GDPGP1: variants seen among roughly 807,000 people sequenced by gnomAD.
The protein encoded by GDPGP1 is GDP-D-glucose phosphorylase C15orf58.
Under a neutral mutation model 19.2 loss-of-function variants are expected in GDPGP1, and 18 were observed. The observed-to-expected ratio is 0.94, with a 90% CI of 0.65 to 1.39. The LOEUF (loss-of-function observed/expected upper bound fraction) is 1.39. GDPGP1 is among the 40% of genes most tolerant of loss of function. GDPGP1 has a pLI of 0.00. For missense variants in GDPGP1, 449 were observed against 490.5 expected (o/e 0.92, Z 0.80); for synonymous variants, 219 against 208.9 (o/e 1.05, Z -0.42).
At position 90,243,477 on chromosome 15, in the gene GDPGP1, G is replaced by A. The variant is rs1219818232; in HGVS notation, c.*1411G>A. Reference sequence around the variant, plus strand: ...CCCTCCCACCTCAGCCCCCTGAGTAGCTGGGACGATAGGTGTGCACCATCA... The same window carrying A: ...CCCTCCCACCTCAGCCCCCTGAGTAACTGGGACGATAGGTGTGCACCATCA... On this transcript the variant is annotated 3_prime_UTR_variant, in exon 4 of 4. Transcript: ENST00000329600. 6.6e-6 allele frequency: 1 copy of A among 152,078 alleles called. No homozygotes were observed. The highest frequency in any genetic ancestry group is 1.5e-5 in the Non-Finnish European group (1 of 68,120). The allele number at this position is 152,078 out of a possible 1,614,324, so 9.4% of individuals were successfully genotyped here.
In GDPGP1 at chr15:90,245,570, TTTTTGCAAGC is replaced by T. The variant is rs1962845950; in HGVS notation, c.*3512_*3521del. On this transcript the variant is annotated 3_prime_UTR_variant, in exon 4 of 4. Coordinates refer to ENST00000329600, the MANE Select transcript of GDPGP1 (RefSeq NM_001013657.3). ...AACTGCAGTAATTTTTCCTTAATAC[TTTTTGCAAGC>T]TTTTGCATGCATAAGCTCCAGTATC... The T allele has an allele frequency of 6.6e-6, 1 of 152,156 alleles. No individual in the cohort carries two copies. The highest frequency in any genetic ancestry group is 2.1e-4 in the South Asian group (1 of 4,832). 9.4% of individuals were successfully genotyped at this position (152,156 alleles called of 1,614,324 possible).
chr15:90,235,903 C>T (rs994247370), intron 2 of GDPGP1, among the ~76,000 whole-genome samples: 9 of 151,988 alleles, frequency 5.9e-5, no homozygotes, highest in South Asian at 4.2e-4. Context: ...TCTTTCTGTC[C>T]GAGAAAGAGT....
rs1962813921 is a variant in GDPGP1, at chr15:90,243,690, C to T, written c.*1624C>T. On this transcript the variant is annotated 3_prime_UTR_variant, in exon 4 of 4. Coordinates refer to ENST00000329600, the MANE Select transcript of GDPGP1 (RefSeq NM_001013657.3). ...TTTTTTGACACAGGGTCACTGTCACCCAGGCTGGAGTGCAGTGGTATGAAG... is the reference window on the plus strand; with the variant it reads ...TTTTTTGACACAGGGTCACTGTCACTCAGGCTGGAGTGCAGTGGTATGAAG... The T allele has an allele frequency of 7.2e-6, 1 of 138,526 alleles. No homozygotes were observed. The highest frequency in any genetic ancestry group is 1.5e-5 in the Non-Finnish European group (1 of 65,878). 8.6% of individuals were successfully genotyped at this position (138,526 alleles called of 1,614,324 possible). A position where few individuals can be genotyped will look rare whatever the true frequency, so the allele number is the denominator to read the frequency against.
chr15:90,238,455 A>G (rs1962681066), intron 2 of GDPGP1, 37 bp from the exon 3 acceptor site: 1 of 152,214 alleles, frequency 6.6e-6, no homozygotes, highest in African/African-American at 2.4e-5. Flanking sequence ...GTAATTTTTT[A>G]TATGTTTTGT....
chr15:90,236,729 G>C (rs1039776414), intron 2 of GDPGP1, among the ~76,000 whole-genome samples: 3 of 151,796 alleles, frequency 2.0e-5, no homozygotes, highest in Non-Finnish European at 2.9e-5. Context: ...GTAGAGACGG[G>C]GTTTCACCAT....
intron 1 of GDPGP1, 48 bp downstream of exon 1, chr15:90,234,340 T>C (rs1962586938): frequency 6.4e-6 from 1 of 156,482 alleles, no homozygotes; most frequent in Non-Finnish European, 1.4e-5. Context: ...TAGGGGCATC[T>C]GAGAAGTCAC....
In GDPGP1 at chr15:90,241,867, T is replaced by C; in HGVS notation, c.959T>C (p.Phe320Ser). The C allele has an allele frequency of 6.2e-7, 1 of 1,614,156 alleles. No homozygotes were observed. Among genetic ancestry groups the C allele is most frequent in the South Asian group, 1.1e-5 (1 of 91,084 alleles). Reference protein sequence around the residue: ...RVILWARKSSFGIKDGEAFNV... With the variant: ...RVILWARKSSSGIKDGEAFNV... ...ATTCTGTGGGCCCGGAAGTCCAGCT[T>C]TGGGATAAAGGACGGTGAAGCTTTC... Residue 320 changes from phenylalanine (F) to serine (S), a missense_variant, in exon 4 of 4, where the codon TTT becomes TCT. Physicochemically the swap from Phe to Ser is radical, Grantham distance 155. Transcript: ENST00000329600.
At position 90,241,026 on chromosome 15, in the gene GDPGP1, G is replaced by A. The variant is rs1962742232; in HGVS notation, c.118G>A (p.Gly40Arg). The change falls in exon 4 of 4, where the codon GGG (glycine) becomes AGG (arginine). Residue 40 changes from glycine (G) to arginine (R), a missense_variant. Transcript: ENST00000329600. ...VYGQKDLMAE[G>R]IQWPRNAPGI... ...TGGGCAGAAGGATCTCATGGCAGAA[G>A]GGATTCAGTGGCCAAGGAATGCACC... is the stretch of plus-strand genomic sequence containing the variant. 6.2e-7 allele frequency: 1 copy of A among 1,613,994 alleles called. No individual in the cohort carries two copies. The highest frequency in any genetic ancestry group is 1.3e-5 in the African/African-American group (1 of 74,912).
At chr15:90,235,096 T>C (rs1315497995) in intron 2 of GDPGP1, among the ~76,000 whole-genome samples, 2 of 152,216 alleles carry the variant, frequency 1.3e-5, no homozygotes, top group African/African-American at 4.8e-5. Flanking sequence ...ATTGGCTCTC[T>C]GTCTTTCAGC....
rs777385902 is a variant in GDPGP1 at position 90,241,520 on chromosome 15, C to G, written c.612C>G (p.Gly204=). Residue 204 remains glycine, a synonymous_variant, in exon 4 of 4, where the codon GGC becomes GGG. Coordinates refer to ENST00000329600, the MANE Select transcript of GDPGP1 (RefSeq NM_001013657.3). ...LLSLHPGFRV[G]FNSLGGLASV... is the part of the protein sequence containing the mutation. ...GCTTACACCCGGGCTTCCGTGTCGG[C>G]TTCAACAGCCTGGGAGGCTTGGCCT... The G allele has an allele frequency of 6.2e-7, 1 of 1,613,688 alleles. No homozygotes were observed. Among genetic ancestry groups the G allele is most frequent in the Non-Finnish European group, 8.5e-7 (1 of 1,180,042 alleles).
At chr15:90,235,478 CA>C (rs949920459) in intron 2 of GDPGP1, among the ~76,000 whole-genome samples, 3 of 152,030 alleles carry the variant, frequency 2.0e-5, no homozygotes, top group African/African-American at 7.2e-5. Context: ...TGTGCCACTG[CA>C]GTCCAGCCTG....
At position 90,240,896 on chromosome 15, in the gene GDPGP1, T is replaced by G. The variant is rs780735649; in HGVS notation, c.-9-4T>G. On this transcript the variant is annotated splice_region_variant and splice_polypyrimidine_tract_variant and intron_variant, in intron 3 of 3. Coordinates refer to ENST00000329600, the MANE Select transcript of GDPGP1 (RefSeq NM_001013657.3). The stretch of plus-strand genomic sequence containing the variant: ...TGTGTTTTCATCTTTTATGACTATT[T>G]CAGGTCAGCTCTATGGCTCTTCCAC... 9.4e-6 allele frequency: 15 copies of G among 1,592,938 alleles called. No individual in the cohort carries two copies. Among genetic ancestry groups the G allele is most frequent in the Non-Finnish European group, 1.2e-5 (14 of 1,162,598 alleles).
At position 90,242,169 on chromosome 15, in the gene GDPGP1, C is replaced by CCCCAGAGGTGGAGG; in HGVS notation, c.*104_*105insCCAGAGGTGGAGGC. 3 of 964,004 alleles carry CCCCAGAGGTGGAGG rather than the reference C, an allele frequency of 3.1e-6. No homozygotes were observed. The highest frequency in any genetic ancestry group is 4.5e-6 in the Non-Finnish European group (3 of 666,390). 59.7% of individuals were successfully genotyped at this position (964,004 alleles called of 1,614,324 possible). A position where few individuals can be genotyped will look rare whatever the true frequency, so the allele number is the denominator to read the frequency against. On this transcript the variant is annotated 3_prime_UTR_variant, in exon 4 of 4. Transcript: ENST00000329600. ...GTGGTATGATCCTGGCTCACTGTAG[C>CCCCAGAGGTGGAGG]CTCCACCTCTGGGGCTGAAGTGATC...
chr15:90,235,790 G>C (rs78957421), intron 2 of GDPGP1, among the ~76,000 whole-genome samples: 9,797 of 151,964 alleles, frequency 0.064, 839 homozygotes, highest in East Asian at 0.38. Context: ...GGATGGTCTG[G>C]ATCTCCTGAC....
At chr15:90,236,949 CTTTTATT>C (rs1380696323) in intron 2 of GDPGP1, among the ~76,000 whole-genome samples, 2 of 151,620 alleles carry the variant, frequency 1.3e-5, no homozygotes, top group African/African-American at 4.8e-5. Context: ...TGCTGATATA[CTTTTATT>C]TTTTATTTTA....
intron 2 of GDPGP1, among the ~76,000 whole-genome samples, chr15:90,235,137 C>T (rs573111787): frequency 1.3e-5 from 2 of 152,316 alleles, no homozygotes; most frequent in Admixed American, 6.5e-5. Flanking sequence ...TCTTCCATCT[C>T]ATCCTCAGGG....
intron 3 of GDPGP1, among the ~76,000 whole-genome samples, chr15:90,239,058 G>C (rs949446928): frequency 2.0e-5 from 3 of 152,118 alleles, no homozygotes; most frequent in Non-Finnish European, 4.4e-5. Flanking sequence ...TGAGTGTATA[G>C]GATGTTCATT....
rs1962764957 is a variant in GDPGP1 at position 90,241,702 on chromosome 15, A to G, written c.794A>G (p.Asp265Gly). ...TTTTACACTCGTGGGCCAGGGCCTG[A>G]CTTGGAGTCCTTGATAAGCAGGGTA... is the stretch of plus-strand genomic sequence containing the variant. The part of the protein sequence containing the change: ...FLFYTRGPGP[D>G]LESLISRVCR... Residue 265 changes from aspartate to glycine, a missense_variant, in exon 4 of 4, where the codon GAC (aspartate) becomes GGC (glycine). Asp to Gly is a moderately conservative substitution (Grantham distance 94, BLOSUM62 -1). Transcript: ENST00000329600. The G allele has an allele frequency of 6.2e-7, 1 of 1,614,062 alleles. No homozygotes were observed. The highest frequency in any genetic ancestry group is 1.1e-5 in the South Asian group (1 of 91,084).
Position 90,241,861 on chromosome 15 carries a change from C to T in GDPGP1, c.953C>T (p.Ser318Phe). 6.2e-7 allele frequency: 1 copy of T among 1,614,172 alleles called. No individual in the cohort carries two copies. The highest frequency in any genetic ancestry group is 1.1e-5 in the South Asian group (1 of 91,084). The change falls in exon 4 of 4, where the codon TCC becomes TTC. Residue 318 changes from serine (S) to phenylalanine (F), a missense_variant. Ser to Phe is a radical substitution (Grantham distance 155). Coordinates refer to ENST00000329600, the MANE Select transcript of GDPGP1 (RefSeq NM_001013657.3). ...GVRVILWARK[S>F]SFGIKDGEAF... ...CGAGTAATTCTGTGGGCCCGGAAGT[C>T]CAGCTTTGGGATAAAGGACGGTGAA...
Sources: allele counts gnomAD v4.1 joint callset (sites outside exome capture counted in the v4.1 genomes callset), GRCh38; gene constraint gnomAD v4.1.1; transcripts MANE v1.5; gene names NCBI Gene and HGNC (gene_info 2026-07-23, HGNC 2026-07-21).